GRID1: variants seen among roughly 807,000 people sequenced by gnomAD.
GRID1 encodes the protein glutamate receptor ionotropic, delta-1.
A neutral mutation model predicts 98.0 loss-of-function variants in GRID1; 28 were observed. The observed-to-expected ratio is 0.29, with a 90% CI of 0.21 to 0.39. The LOEUF is 0.39. Among genes scored for constraint, GRID1 ranks in the 10% least tolerant of loss-of-function variants. The probability of loss-of-function intolerance (pLI) is 1.00; values close to 1 mark genes in which losing one functional copy is unlikely to be tolerated. For synonymous variants in GRID1, 553 were observed against 538.5 expected (o/e 1.03, Z -0.37); for missense variants, 1,111 against 1,340.5 (o/e 0.83, Z 2.67).
intron 3 of GRID1, among the ~76,000 whole-genome samples, chr10:86,146,648 T>G (rs1227096300): frequency 6.6e-6 from 1 of 152,152 alleles, no homozygotes; most frequent in African/African-American, 2.4e-5. Context: ...TCCCGCCCTC[T>G]TCCTTCCTTC....
chr10:85,969,558 A>C (rs1382974867), intron 4 of GRID1, among the ~76,000 whole-genome samples: 2 of 152,194 alleles, frequency 1.3e-5, no homozygotes, highest in Admixed American at 6.5e-5. Flanking sequence ...AAATTCATGA[A>C]TATGTGGAAA....
rs115016582 is a variant in GRID1, at chr10:85,838,255, A to G, written c.1233+16241T>C. On this transcript the variant is annotated intron_variant, in intron 8 of 15. Coordinates refer to ENST00000327946, the MANE Select transcript of GRID1 (RefSeq NM_017551.3). ...AATATATTCCAGGATATCATCCATG[A>G]GAACTTCCCCAACCTAGCTAGAGAG... Among the ~76,000 whole-genome samples the G allele has an allele frequency of 5.1e-3, 770 of 152,354 alleles. 9 individuals carry two copies. The highest frequency in any genetic ancestry group is 0.018 in the African/African-American group (733 of 41,580).
chr10:86,252,340 G>C (rs1404797643), intron 2 of GRID1, among the ~76,000 whole-genome samples: 2 of 152,158 alleles, frequency 1.3e-5, no homozygotes, highest in Non-Finnish European at 2.9e-5. Flanking sequence ...CATCACCTTC[G>C]TTGTGGGCCT....
intron 2 of GRID1, among the ~76,000 whole-genome samples, chr10:86,238,845 G>A (rs764745426): frequency 6.6e-6 from 1 of 152,184 alleles, no homozygotes; most frequent in Non-Finnish European, 1.5e-5. Context: ...GAAAATGCCT[G>A]GATGTCCAGG....
chr10:85,723,159 A>G lies in GRID1; in HGVS notation c.1859-18T>C. On this transcript the variant is annotated intron_variant, in intron 11 of 15. Coordinates refer to ENST00000327946, the MANE Select transcript of GRID1 (RefSeq NM_017551.3). ...TTCGCCACCTGCGGGAGGCAGACAA[A>G]GTGGATTGGCCAGTGGCTTCTGCTC... 4 of 1,595,798 alleles carry G rather than the reference A, an allele frequency of 2.5e-6. No individual in the cohort carries two copies. Among genetic ancestry groups the G allele is most frequent in the Admixed American group, 1.7e-5 (1 of 58,202 alleles).
intron 12 of GRID1, among the ~76,000 whole-genome samples, chr10:85,657,433 T>C (rs768320226): frequency 6.6e-6 from 1 of 152,194 alleles, no homozygotes; most frequent in Non-Finnish European, 1.5e-5. Flanking sequence ...ATTGTGATAA[T>C]ATGACCCCTA....
chr10:86,008,171 G>C (rs1466987719), intron 4 of GRID1, among the ~76,000 whole-genome samples: 1 of 152,122 alleles, frequency 6.6e-6, no homozygotes, highest in Non-Finnish European at 1.5e-5. Context: ...AGACCAGAGG[G>C]GCTTGGCACT....
chr10:86,171,507 G>A (rs770849155), intron 3 of GRID1, among the ~76,000 whole-genome samples: 9 of 152,208 alleles, frequency 5.9e-5, no homozygotes, highest in Non-Finnish European at 1.0e-4. Flanking sequence ...TCTATTAACC[G>A]AGGTGGGGAC....
chr10:85,682,347 T>C (rs1246882646), intron 12 of GRID1, among the ~76,000 whole-genome samples: 2 of 152,216 alleles, frequency 1.3e-5, no homozygotes, highest in African/African-American at 4.8e-5. Flanking sequence ...CTATAGAGTC[T>C]AGTGCAGTGT....
chr10:85,860,895 G>A (rs1348329779), intron 6 of GRID1, among the ~76,000 whole-genome samples: 2 of 152,146 alleles, frequency 1.3e-5, no homozygotes, highest in Non-Finnish European at 2.9e-5. Flanking sequence ...CCCCTGGAGA[G>A]GTACAATGTG....
rs1466003842 is a variant in GRID1, at chr10:85,975,447, C to T, written c.727-59208G>A. Among the ~76,000 whole-genome samples the T allele has an allele frequency of 2.0e-5, 3 of 152,158 alleles. No individual in the cohort carries two copies. In the East Asian group the frequency reaches 5.8e-4, roughly 29 times the overall value. On this transcript the variant is annotated intron_variant, in intron 4 of 15. Transcript: ENST00000327946. The stretch of plus-strand genomic sequence containing the variant: ...TCCTCCAGGCCATCCACATTTAGGG[C>T]CAAGAGGGCGATTGTCCTAATTGGA...
chr10:85,801,896 T>G (rs1234830791), intron 8 of GRID1, among the ~76,000 whole-genome samples: 2 of 152,008 alleles, frequency 1.3e-5, no homozygotes, highest in East Asian at 3.8e-4. Context: ...AAAATAATCT[T>G]GAGAAAAACT....
chr10:85,717,440 C>A (rs899975036), intron 12 of GRID1, among the ~76,000 whole-genome samples: 10 of 152,030 alleles, frequency 6.6e-5, no homozygotes, highest in African/African-American at 2.4e-4. Flanking sequence ...GAGGGAGAAG[C>A]AAAAGCAGAA....
At chr10:86,075,804 G>A (rs1843873004) in intron 4 of GRID1, among the ~76,000 whole-genome samples, 1 of 152,210 alleles carries the variant, frequency 6.6e-6, no homozygotes, top group Non-Finnish European at 1.5e-5. Flanking sequence ...CATACAGTGA[G>A]TTTGGCCAGG....
At chr10:85,647,482 G>A (rs547629138) in intron 12 of GRID1, 85 bp from the exon 13 acceptor site, 1 of 1,043,372 alleles carries the variant, frequency 9.6e-7, no homozygotes, top group East Asian at 2.4e-5. Flanking sequence ...AGGCCCTTCT[G>A]AACTCCAAGC....
intron 3 of GRID1, among the ~76,000 whole-genome samples, chr10:86,197,173 A>C (rs528456344): frequency 6.6e-6 from 1 of 151,790 alleles, no homozygotes; most frequent in South Asian, 2.1e-4. Context: ...TCCATTTTTA[A>C]ATAAATTGGA....
At chr10:85,960,088 T>C (rs932391224) in intron 4 of GRID1, among the ~76,000 whole-genome samples, 1 of 152,074 alleles carries the variant, frequency 6.6e-6, no homozygotes, top group Non-Finnish European at 1.5e-5. Context: ...TCACCATTTT[T>C]TGGTAGAGAC....
chr10:86,015,907 C>A (rs1209702320), intron 4 of GRID1, among the ~76,000 whole-genome samples: 4 of 151,990 alleles, frequency 2.6e-5, no homozygotes, highest in Non-Finnish European at 1.5e-5. Context: ...ATGCTAAGGA[C>A]CATGATGGGG....
intron 13 of GRID1, 64 bp downstream of exon 13, chr10:85,647,138 C>A (rs1022795811): frequency 8.1e-6 from 11 of 1,355,546 alleles, no homozygotes; most frequent in Non-Finnish European, 1.0e-5. Flanking sequence ...TGTCTCCCAC[C>A]TGGGGGCTGA....
Sources: allele counts gnomAD v4.1 joint callset (sites outside exome capture counted in the v4.1 genomes callset), GRCh38; gene constraint gnomAD v4.1.1; transcripts MANE v1.5; gene names NCBI Gene and HGNC (gene_info 2026-07-23, HGNC 2026-07-21).